The following SLC24A2 variants were observed in gnomAD, a reference collection of about 807,000 sequenced individuals.
SLC24A2 encodes the protein sodium/potassium/calcium exchanger 2.
Under a neutral mutation model 62.0 loss-of-function variants are expected in SLC24A2, and 36 were observed. The observed-to-expected ratio is 0.58, with a 90% CI of 0.44 to 0.77. The LOEUF is 0.77. Ranked by LOEUF, SLC24A2 falls within the 30% of genes least tolerant of loss-of-function variation. The pLI is 0.00. For missense variants in SLC24A2, 846 were observed against 817.9 expected, an observed-to-expected ratio of 1.03 and a Z score of -0.42; for synonymous variants, 358 against 294.0, an observed-to-expected ratio of 1.22 and a Z score of -2.23.
intron 4 of SLC24A2, among the ~76,000 whole-genome samples, chr9:19,611,673 C>T (rs1368483997): frequency 6.6e-6 from 1 of 151,960 alleles, no homozygotes; most frequent in Non-Finnish European, 1.5e-5. Context: ...TTCAGGGCCA[C>T]TGTGAAATAA....
At chr9:20,149,928 T>C in the SLC24A2 span, among the ~76,000 whole-genome samples, 1 of 152,060 alleles carries the variant, frequency 6.6e-6, no homozygotes, top group African/African-American at 2.4e-5. Context: ...TCATTAGTGC[T>C]GTCCACTGAA....
intron 2 of SLC24A2, among the ~76,000 whole-genome samples, chr9:19,694,237 C>G (rs948503724): frequency 2.0e-5 from 3 of 152,058 alleles, no homozygotes; most frequent in Non-Finnish European, 4.4e-5. Context: ...ATAATATTAT[C>G]TTAGCAATTG....
intron 7 of SLC24A2, among the ~76,000 whole-genome samples, chr9:19,556,255 TTTGGTATAGAAG>T (rs369454482): frequency 1.7e-3 from 261 of 152,334 alleles, no homozygotes; most frequent in African/African-American, 6.0e-3. Flanking sequence ...TCCATTTGAA[TTTGGTATAGAAG>T]TTTGCCCCCA....
the SLC24A2 span, among the ~76,000 whole-genome samples, chr9:19,906,735 G>A: frequency 1.3e-5 from 2 of 151,952 alleles, no homozygotes; most frequent in South Asian, 2.1e-4. Flanking sequence ...TAGAAGAAAT[G>A]GATAAATCCC....
chr9:20,275,439 G>A, the SLC24A2 span, among the ~76,000 whole-genome samples: 1 of 152,130 alleles, frequency 6.6e-6, no homozygotes, highest in African/African-American at 2.4e-5. Flanking sequence ...GCTCCTAAAT[G>A]TTTAGGCTTT....
At chr9:19,972,417 T>C in the SLC24A2 span, among the ~76,000 whole-genome samples, 1 of 152,204 alleles carries the variant, frequency 6.6e-6, no homozygotes, top group African/African-American at 2.4e-5. Context: ...TTATGTTTTG[T>C]ATGTGCCAGG....
At chr9:20,086,038 A>G in the SLC24A2 span, among the ~76,000 whole-genome samples, 3 of 152,116 alleles carry the variant, frequency 2.0e-5, no homozygotes, top group Non-Finnish European at 4.4e-5. Flanking sequence ...CTTATCTCCC[A>G]TGTCCTCCTT....
At chr9:20,295,880 A>C in the SLC24A2 span, among the ~76,000 whole-genome samples, 1 of 152,138 alleles carries the variant, frequency 6.6e-6, no homozygotes, top group Non-Finnish European at 1.5e-5. Context: ...TGCGTGAGAC[A>C]ATTCCCCAGT....
the SLC24A2 span, among the ~76,000 whole-genome samples, chr9:19,917,096 T>G: frequency 6.6e-6 from 1 of 150,800 alleles, no homozygotes; most frequent in Non-Finnish European, 1.5e-5. Context: ...TTATTCTTAT[T>G]TTAATTTTGT....
chr9:19,873,836 G>C, the SLC24A2 span, among the ~76,000 whole-genome samples: 1 of 151,994 alleles, frequency 6.6e-6, no homozygotes, highest in African/African-American at 2.4e-5. Context: ...TGTACTTGCC[G>C]AATGCCCCAA....
the SLC24A2 span, among the ~76,000 whole-genome samples, chr9:19,916,160 A>T: frequency 6.6e-6 from 1 of 152,050 alleles, no homozygotes; most frequent in African/African-American, 2.4e-5. Context: ...TATTGAAAAG[A>T]CTATTCTTTC....
chr9:20,147,939 G>A, the SLC24A2 span, among the ~76,000 whole-genome samples: 22 of 152,002 alleles, frequency 1.4e-4, no homozygotes, highest in African/African-American at 4.8e-4. Context: ...AATTAAATGA[G>A]GTAATGTATA....
chr9:19,862,912 T>C, the SLC24A2 span, among the ~76,000 whole-genome samples: 1 of 151,130 alleles, frequency 6.6e-6, no homozygotes, highest in African/African-American at 2.4e-5. Flanking sequence ...GAAAGGAATA[T>C]AGGAAGGAAA....
Position 19,541,740 on chromosome 9 carries a change from C to G in SLC24A2, c.1479+8397G>C, listed in dbSNP as rs376019342. On this transcript the variant is annotated intron_variant, in intron 8 of 10. Coordinates refer to ENST00000341998, the MANE Select transcript of SLC24A2 (RefSeq NM_020344.4). ...GAGCTGTGGTGGGCTCCACCCAGTTCGAGCTTCCCGGCTGCTTTGTTTACC... is the reference window on the plus strand; with the variant it reads ...GAGCTGTGGTGGGCTCCACCCAGTTGGAGCTTCCCGGCTGCTTTGTTTACC... Among the ~76,000 whole-genome samples the G allele has an allele frequency of 1.4e-3, 213 of 148,776 alleles. 7 individuals are homozygous for G. The South Asian group carries it at 0.044, about 31-fold the overall frequency.
At chr9:19,763,407 G>A (rs181671805) in intron 2 of SLC24A2, among the ~76,000 whole-genome samples, 38 of 152,320 alleles carry the variant, frequency 2.5e-4, no homozygotes, top group Non-Finnish European at 1.9e-4. Context: ...TTTTCAAAGG[G>A]AATGCTTCCA....
chr9:19,808,135 G>A, the SLC24A2 span, among the ~76,000 whole-genome samples: 5 of 152,248 alleles, frequency 3.3e-5, no homozygotes, highest in African/African-American at 1.2e-4. This position sits in a 1 kb window ranked among gnomAD's most constrained non-coding sequence, Gnocchi z 4.1. Context: ...TCTTGCTTCA[G>A]GCACCTAAGA....
At chr9:20,286,762 C>T in the SLC24A2 span, among the ~76,000 whole-genome samples, 1 of 152,048 alleles carries the variant, frequency 6.6e-6, no homozygotes, top group Non-Finnish European at 1.5e-5. Flanking sequence ...GATAATAATG[C>T]CAGGACAGCA....
At chr9:19,541,975 G>C (rs1314971171) in intron 8 of SLC24A2, among the ~76,000 whole-genome samples, 3 of 152,212 alleles carry the variant, frequency 2.0e-5, no homozygotes, top group African/African-American at 4.8e-5. Flanking sequence ...TTTTCCAGGT[G>C]CCGTCTGTCA....
chr9:19,994,825 G>T, the SLC24A2 span, among the ~76,000 whole-genome samples: 1 of 152,188 alleles, frequency 6.6e-6, no homozygotes, highest in African/African-American at 2.4e-5. Context: ...TGCTATTGAA[G>T]CCTTTGCACA....
Sources: allele counts gnomAD v4.1 joint callset (sites outside exome capture counted in the v4.1 genomes callset), GRCh38; gene constraint gnomAD v4.1.1; non-coding constraint Gnocchi (gnomAD v3.1); transcripts MANE v1.5; gene names NCBI Gene and HGNC (gene_info 2026-07-23, HGNC 2026-07-21).